Variants in DIP2C observed in about 807,000 individuals in gnomAD.
DIP2C encodes disco-interacting protein 2 homolog C.
Under a neutral mutation model 192.4 loss-of-function variants are expected in DIP2C, and 33 were observed. The observed-to-expected ratio is 0.17, with a 90% CI of 0.13 to 0.23. DIP2C has a LOEUF of 0.23. Ranked by LOEUF, DIP2C falls within the 10% of genes least tolerant of loss-of-function variation. The pLI is 1.00. For synonymous variants in DIP2C, 979 were observed against 864.1 expected (o/e 1.13, Z -2.33); for missense variants, 1,537 against 2,110.1 (o/e 0.73, Z 5.32).
chr10:640,723 GGGGAAGAGGGTGGGCGC>G (rs1855138748), intron 1 of DIP2C, among the ~76,000 whole-genome samples: 4 of 10,996 alleles, frequency 3.6e-4, no homozygotes, highest in Non-Finnish European at 1.6e-3. Flanking sequence ...GGCTGCGCGC[GGGGAAGAGGGTGGGCGC>G]CGGGAAGAGG....
intron 1 of DIP2C, chr10:668,819 T>C (rs989567496): frequency 1.3e-5 from 2 of 152,256 alleles, no homozygotes; most frequent in African/African-American, 4.8e-5. Context: ...GATTCAAGCA[T>C]GTTTATCATC....
At chr10:508,520 T>C (rs1426807027) in intron 1 of DIP2C, among the ~76,000 whole-genome samples, 1 of 152,212 alleles carries the variant, frequency 6.6e-6, no homozygotes, top group African/African-American at 2.4e-5. Flanking sequence ...GCTGCACTGT[T>C]ACCATTGTGC....
intron 33 of DIP2C, among the ~76,000 whole-genome samples, chr10:286,849 T>C (rs1209079318): frequency 6.6e-6 from 1 of 152,096 alleles, no homozygotes; most frequent in Non-Finnish European, 1.5e-5. Context: ...AGTCACATAG[T>C]GACGTTTTCA....
At chr10:489,718 G>A (rs1435789088) in intron 1 of DIP2C, among the ~76,000 whole-genome samples, 19 of 126,804 alleles carry the variant, frequency 1.5e-4, no homozygotes, top group African/African-American at 4.2e-4. Flanking sequence ...GACGGTGCCC[G>A]GGGCTTCCTC....
intron 1 of DIP2C, among the ~76,000 whole-genome samples, chr10:489,328 C>A (rs1844255520): frequency 1.3e-5 from 2 of 152,168 alleles, no homozygotes; most frequent in Non-Finnish European, 2.9e-5. Flanking sequence ...TTTGAAGAAC[C>A]AATGTTTCCC....
intron 3 of DIP2C, among the ~76,000 whole-genome samples, chr10:450,507 AT>A (rs1320646575): frequency 6.6e-6 from 1 of 152,190 alleles, no homozygotes; most frequent in East Asian, 1.9e-4. Flanking sequence ...GCAACACACA[AT>A]GTTGACATTG....
At chr10:301,561 G>A (rs963968151) in intron 32 of DIP2C, among the ~76,000 whole-genome samples, 3 of 152,176 alleles carry the variant, frequency 2.0e-5, no homozygotes, top group African/African-American at 7.2e-5. Flanking sequence ...ATTAGAGAAT[G>A]GGATGTAAAG....
intron 1 of DIP2C, among the ~76,000 whole-genome samples, chr10:587,011 G>A (rs967135144): frequency 7.1e-6 from 1 of 141,150 alleles, no homozygotes; most frequent in Non-Finnish European, 1.6e-5. Flanking sequence ...TGCAAACAGT[G>A]CAGGGTCTAA....
chr10:290,196 C>G (rs1955419482), intron 32 of DIP2C, among the ~76,000 whole-genome samples: 1 of 152,324 alleles, frequency 6.6e-6, no homozygotes, highest in East Asian at 1.9e-4. Flanking sequence ...TCTGTGGTGT[C>G]TGTCTTAAAT....
chr10:557,594 C>G (rs891255493), intron 1 of DIP2C, among the ~76,000 whole-genome samples: 22 of 140,554 alleles, frequency 1.6e-4, no homozygotes, highest in Admixed American at 1.5e-4. Flanking sequence ...CTCACAATAC[C>G]AAGTGAAAAA....
intron 34 of DIP2C, among the ~76,000 whole-genome samples, chr10:285,027 G>A (rs1955024200): frequency 6.6e-6 from 1 of 152,072 alleles, no homozygotes; most frequent in Non-Finnish European, 1.5e-5. Flanking sequence ...GGAGAAGCAG[G>A]CTCTGCTTCC....
chr10:501,484 T>C (rs949044329), intron 1 of DIP2C, among the ~76,000 whole-genome samples: 1 of 152,072 alleles, frequency 6.6e-6, no homozygotes, highest in Non-Finnish European at 1.5e-5. Context: ...TTTATAATAA[T>C]ATGTTTATGA....
intron 32 of DIP2C, among the ~76,000 whole-genome samples, chr10:305,995 T>A (rs993833184): frequency 6.4e-5 from 9 of 141,290 alleles, no homozygotes; most frequent in African/African-American, 2.6e-4. Context: ...ATATATATAT[T>A]ATATTTTTTT....
chr10:629,496 A>G (rs1211959977), intron 1 of DIP2C, among the ~76,000 whole-genome samples: 1 of 152,228 alleles, frequency 6.6e-6, no homozygotes, highest in Non-Finnish European at 1.5e-5. Flanking sequence ...GCCACTGCAT[A>G]GGTGGACACA....
intron 1 of DIP2C, among the ~76,000 whole-genome samples, chr10:491,070 A>AC (rs144371121): frequency 0.037 from 5,600 of 152,296 alleles, 201 homozygotes; most frequent in African/African-American, 0.09. Flanking sequence ...ACAGACAGAC[A>AC]CCCGGCCCTT....
intron 1 of DIP2C, among the ~76,000 whole-genome samples, chr10:499,339 C>A (rs1023661615): frequency 6.6e-6 from 1 of 151,692 alleles, no homozygotes; most frequent in African/African-American, 2.4e-5. Context: ...CTCTGTGGAC[C>A]GCTGGGCTGC....
In DIP2C at chr10:283,158, A is replaced by G. The variant is rs1422829423; in HGVS notation, c.4294+114T>C. 2.2e-6 allele frequency: 3 copies of G among 1,390,706 alleles called. No individual in the cohort carries two copies. The African/African-American group carries it at 4.3e-5, about 20-fold the overall frequency. The allele number at this position is 1,390,706 out of a possible 1,614,324, so 86.1% of individuals were successfully genotyped here. ...CTTTTCACACTGGGTTGTAGCTAGC[A>G]CACGTGCCCTCCTGGCTTTGGCTGC... On this transcript the variant is annotated intron_variant, in intron 35 of 36. Transcript: ENST00000280886.
At chr10:619,533 G>GCCCACCCTCCCACCCTCCCACCCTCCCA (rs1172584696) in intron 1 of DIP2C, among the ~76,000 whole-genome samples, 30 of 38,766 alleles carry the variant, frequency 7.7e-4, no homozygotes, top group Non-Finnish European at 1.5e-3. Flanking sequence ...GACCAAGCCC[G>GCCCACCCTCCCACCCTCCCACCCTCCCA]CCCGCCCGCC....
At chr10:573,376 A>G (rs17159691) in intron 1 of DIP2C, among the ~76,000 whole-genome samples, 5,466 of 152,344 alleles carry the variant, frequency 0.036, 136 homozygotes, top group East Asian at 0.08. Context: ...TCTAGTTTAC[A>G]CAGAGCGCAG....
Sources: gnomAD v4.1 joint callset for allele counts (sites outside exome capture counted in the v4.1 genomes callset) on GRCh38, gnomAD v4.1.1 for gene constraint, MANE v1.5 for transcripts, NCBI Gene and HGNC (gene_info 2026-07-23, HGNC 2026-07-21) for gene names.